Variants in DCAF4 observed in about 807,000 individuals in gnomAD.
DCAF4 encodes the protein DDB1 and CUL4 associated factor 4, also known as DDB1- and CUL4-associated factor 4.
A neutral mutation model predicts 60.9 loss-of-function variants in DCAF4; 37 were observed. The observed-to-expected ratio is 0.61, with a 90% CI of 0.47 to 0.80. DCAF4 has a LOEUF of 0.80. Among genes scored for constraint, DCAF4 ranks in the 30% least tolerant of loss-of-function variants. DCAF4 has a pLI of 0.00. For synonymous variants in DCAF4, 243 were observed against 254.8 expected (o/e 0.95, Z 0.44); for missense variants, 577 against 650.0 (o/e 0.89, Z 1.22).
Position 72,952,754 on chromosome 14 carries a change from G to C in DCAF4, c.808+877G>C, listed in dbSNP as rs535628206. 3.5e-5 allele frequency among the ~76,000 whole-genome samples: 5 copies of C among 144,386 alleles called. No individual in the cohort carries two copies. The South Asian group carries it at 1.1e-3, about 32-fold the overall frequency. The allele number at this position is 144,386 out of a possible 152,430, so 94.7% of individuals were successfully genotyped here. ...TTATTGCCCAGGCTGGAGTGCAATG[G>C]CACGATCTCAGCTCACCACAACCTC... On this transcript the variant is annotated intron_variant, in intron 9 of 13. Coordinates refer to ENST00000358377, the MANE Select transcript of DCAF4 (RefSeq NM_015604.4).
intron 1 of DCAF4, among the ~76,000 whole-genome samples, chr14:72,929,017 C>T (rs1888117998): frequency 6.6e-6 from 1 of 152,126 alleles, no homozygotes; most frequent in African/African-American, 2.4e-5. Flanking sequence ...GGGCTGCCAT[C>T]CCCCACACTT....
At chr14:72,951,036 G>A (rs11158998) in intron 8 of DCAF4, among the ~76,000 whole-genome samples, 33,657 of 151,464 alleles carry the variant, frequency 0.22, 4,352 homozygotes, top group East Asian at 0.48. Context: ...GCTGGAGTGC[G>A]GTCACATGAT....
intron 8 of DCAF4, among the ~76,000 whole-genome samples, chr14:72,949,243 G>GT (rs890098189): frequency 1.7e-4 from 26 of 152,280 alleles, no homozygotes; most frequent in African/African-American, 5.1e-4. Flanking sequence ...GAGGCCAGGA[G>GT]TTTGAGACCA....
intron 1 of DCAF4, among the ~76,000 whole-genome samples, chr14:72,937,641 G>C (rs1039127880): frequency 1.3e-5 from 2 of 151,926 alleles, no homozygotes; most frequent in Non-Finnish European, 2.9e-5. Flanking sequence ...GGCTGGTCTC[G>C]AACTCCTGAC....
chr14:72,950,619 G>A (rs192966792), intron 8 of DCAF4, among the ~76,000 whole-genome samples: 43 of 152,252 alleles, frequency 2.8e-4, no homozygotes, highest in South Asian at 2.1e-4. Context: ...AGACACACAC[G>A]TAGGCAAGGG....
chr14:72,932,364 C>T (rs1303187004), intron 1 of DCAF4, among the ~76,000 whole-genome samples: 3 of 152,106 alleles, frequency 2.0e-5, no homozygotes, highest in East Asian at 1.9e-4. Flanking sequence ...TAAAATGATT[C>T]GGAAAAATGT....
chr14:72,943,105 G>C lies in DCAF4; in HGVS notation c.534+9G>C. The C allele has an allele frequency of 3.7e-6, 6 of 1,612,496 alleles. No homozygotes were observed. Among genetic ancestry groups the C allele is most frequent in the Non-Finnish European group, 5.1e-6 (6 of 1,178,496 alleles). On this transcript the variant is annotated intron_variant, in intron 6 of 13. Coordinates refer to ENST00000358377, the MANE Select transcript of DCAF4 (RefSeq NM_015604.4). ...GATTTAACCTCATACTGGTGAGTGG[G>C]AGGGGGACACCTGCCTAGGGTGTGG...
At chr14:72,928,047 C>G (rs921523293) in intron 1 of DCAF4, among the ~76,000 whole-genome samples, 1 of 151,668 alleles carries the variant, frequency 6.6e-6, no homozygotes, top group East Asian at 1.9e-4. Context: ...GCTATCCTCC[C>G]ACCTCAGCCT....
intron 1 of DCAF4, chr14:72,929,667 T>C: frequency 1.5e-6 from 2 of 1,345,954 alleles, no homozygotes; most frequent in Admixed American, 3.7e-5. Flanking sequence ...GCTCAGCTCC[T>C]CCCGCTTCCT....
intron 1 of DCAF4, among the ~76,000 whole-genome samples, chr14:72,934,470 A>G (rs912250873): frequency 6.6e-6 from 1 of 151,982 alleles, no homozygotes; most frequent in East Asian, 1.9e-4. Context: ...TTGTATTTTT[A>G]GTAGAGTTGG....
downstream of DCAF4, among the ~76,000 whole-genome samples, chr14:72,960,202 G>C (rs192169595): frequency 3.4e-3 from 521 of 151,436 alleles, 3 homozygotes; most frequent in African/African-American, 0.012. Flanking sequence ...TGTTGCCCAG[G>C]CTGGAGTGCA....
chr14:72,951,967 A>G lies in DCAF4; in HGVS notation c.808+90A>G, dbSNP rs939663809. On this transcript the variant is annotated intron_variant, in intron 9 of 13. Transcript: ENST00000358377. ...TTAGAGAGAAGTATGGGGCCGCTGCAGAGGCACTGTGGGAGGATTCCCTAA... is the reference window on the plus strand; with the variant it reads ...TTAGAGAGAAGTATGGGGCCGCTGCGGAGGCACTGTGGGAGGATTCCCTAA... The G allele has an allele frequency of 2.9e-6, 4 of 1,371,308 alleles. No homozygotes were observed. In the South Asian group the frequency reaches 4.7e-5, roughly 16 times the overall value. The allele number at this position is 1,371,308 out of a possible 1,614,324, so 84.9% of individuals were successfully genotyped here.
rs760151102 is a variant in DCAF4 at position 72,943,060 on chromosome 14, C to T, written c.498C>T (p.Pro166=). ...AGGTCCAGATTCGAAGCATGGATCC[C>T]TCCGCCTTGGCAAGCGACCGATTTA... The part of the protein sequence containing the change: ...RKKVQIRSMD[P]SALASDRFNL... The change falls in exon 6 of 14, where the codon CCC becomes CCT. Residue 166 remains proline (P), a synonymous_variant. Coordinates refer to ENST00000358377, the MANE Select transcript of DCAF4 (RefSeq NM_015604.4). The T allele has an allele frequency of 4.3e-6, 7 of 1,614,100 alleles. No homozygotes were observed. Among genetic ancestry groups the T allele is most frequent in the Non-Finnish European group, 5.1e-6 (6 of 1,180,030 alleles).
In DCAF4 at chr14:72,929,108, C is replaced by G. The variant is rs372503421; in HGVS notation, c.-9+2565C>G. Among the ~76,000 whole-genome samples, 515 of 152,172 alleles carry G rather than the reference C, an allele frequency of 3.4e-3. 3 individuals carry two copies. Among genetic ancestry groups the G allele is most frequent in the African/African-American group, 0.012 (491 of 41,530 alleles). ...CGGGGCTGCTCCCTACTGGGTGTAG[C>G]GCACCCCGCCCCCCACCCCGCCCGG... is the stretch of plus-strand genomic sequence containing the variant. On this transcript the variant is annotated intron_variant, in intron 1 of 13. Coordinates refer to ENST00000358377, the MANE Select transcript of DCAF4 (RefSeq NM_015604.4).
At chr14:72,952,404 A>G (rs563167725) in intron 9 of DCAF4, among the ~76,000 whole-genome samples, 8 of 152,328 alleles carry the variant, frequency 5.3e-5, no homozygotes, top group African/African-American at 1.4e-4. Context: ...ACCTCTCTAA[A>G]GTGGACAGGG....
intron 11 of DCAF4, 91 bp from the exon 12 acceptor site, chr14:72,955,432 T>C (rs1892136068): frequency 2.7e-6 from 4 of 1,470,582 alleles, no homozygotes; most frequent in Non-Finnish European, 3.7e-6. Context: ...ACCCAGAGGC[T>C]GGAAGAGGGG....
At chr14:72,930,657 AGT>A (rs1888453317) in intron 1 of DCAF4, among the ~76,000 whole-genome samples, 1 of 150,224 alleles carries the variant, frequency 6.7e-6, no homozygotes, top group African/African-American at 2.5e-5. Context: ...ATATATATGT[AGT>A]GTGTGTGAGT....
At chr14:72,951,015 C>G (rs1432687661) in intron 8 of DCAF4, among the ~76,000 whole-genome samples, 1 of 152,004 alleles carries the variant, frequency 6.6e-6, no homozygotes, top group African/African-American at 2.4e-5. Context: ...TGGTCTTACT[C>G]TGTCACCCAG....
Position 72,940,365 on chromosome 14 carries a change from C to T in DCAF4, c.339C>T (p.Asp113=), listed in dbSNP as rs769678074. The change falls in exon 4 of 14, where the codon GAC becomes GAT. Residue 113 remains aspartate, a synonymous_variant. Transcript: ENST00000358377. ...GACTGCGGCTGCTCCAGGAAGAAGA[C>T]AGACGGAAAAAGGTGGGCTCCTCAC... The part of the protein sequence containing the change: ...SKRLRLLQEE[D]RRKKIARMGF... 38 of 1,609,378 alleles carry T rather than the reference C, an allele frequency of 2.4e-5. No individual in the cohort carries two copies. The Admixed American group carries it at 2.4e-4, about 10-fold the overall frequency.
Sources: allele counts gnomAD v4.1 joint callset (sites outside exome capture counted in the v4.1 genomes callset), GRCh38; gene constraint gnomAD v4.1.1; transcripts MANE v1.5; gene names NCBI Gene and HGNC (gene_info 2026-07-23, HGNC 2026-07-21).